PDE6D: variants seen among roughly 807,000 people sequenced by gnomAD.
PDE6D encodes the protein retinal rod rhodopsin-sensitive cGMP 3',5'-cyclic phosphodiesterase subunit delta.
Under a neutral mutation model 21.9 loss-of-function variants are expected in PDE6D, and 10 were observed. The ratio of observed to expected loss-of-function variants is 0.46; its 90% CI spans 0.28 to 0.78. The LOEUF is 0.78. Among genes scored for constraint, PDE6D ranks in the 30% least tolerant of loss-of-function variants. PDE6D has a pLI of 0.12. For missense variants in PDE6D, 139 were observed against 184.8 expected, an observed-to-expected ratio of 0.75 and a Z score of 1.44; for synonymous variants, 59 against 63.5, an observed-to-expected ratio of 0.93 and a Z score of 0.34.
At chr2:231,780,818 C>T in intron 1 of PDE6D, among the ~76,000 whole-genome samples, 1 of 152,170 alleles carries the variant, frequency 6.6e-6, no homozygotes, top group East Asian at 1.9e-4. Context: ...GTCCCCCAGG[C>T]TCCCCCGTCT....
rs1559307985 is a variant in PDE6D at position 231,737,240 on chromosome 2, C to T, written c.318G>A (p.Gln106=). 6.2e-7 allele frequency: 1 copy of T among 1,613,334 alleles called. No homozygotes were observed. Among genetic ancestry groups the T allele is most frequent in the Middle Eastern group, 1.7e-4 (1 of 6,060 alleles). The change falls in exon 4 of 5, where the codon CAG becomes CAA. Residue 106 remains glutamine, a synonymous_variant. Coordinates refer to ENST00000287600, the MANE Select transcript of PDE6D (RefSeq NM_002601.4). ...FVIPNSTNTW[Q]SLIEAAPESQ... ...ACTCGGGTGCTGCCTCTATCAAGGA[C>T]TGCCAGGTATTTGTGGAGTTAGGGA...
chr2:231,741,908 T>C (rs138334207), intron 1 of PDE6D, among the ~76,000 whole-genome samples: 209 of 152,296 alleles, frequency 1.4e-3, no homozygotes, highest in Non-Finnish European at 2.7e-3. Context: ...AGGCACGAAA[T>C]GTTGAGAAAC....
At chr2:231,758,915 T>C (rs1387065122) in intron 1 of PDE6D, among the ~76,000 whole-genome samples, 2 of 151,810 alleles carry the variant, frequency 1.3e-5, no homozygotes, top group African/African-American at 4.8e-5. Context: ...AAAACTCTCA[T>C]AAAGAGTGAA....
chr2:231,755,461 C>T (rs987166344), intron 1 of PDE6D, among the ~76,000 whole-genome samples: 1 of 152,162 alleles, frequency 6.6e-6, no homozygotes, highest in East Asian at 1.9e-4. Context: ...TGATTCACGC[C>T]GAGCCTGTAA....
At chr2:231,733,141 C>A in intron 4 of PDE6D, 108 bp from the exon 5 acceptor site, 2 of 739,830 alleles carry the variant, frequency 2.7e-6, no homozygotes, top group Non-Finnish European at 4.9e-6. Context: ...AATGGACATG[C>A]ACCCACCCAG....
At chr2:231,748,719 C>T (rs1306201127) in intron 1 of PDE6D, among the ~76,000 whole-genome samples, 1 of 152,166 alleles carries the variant, frequency 6.6e-6, no homozygotes, top group African/African-American at 2.4e-5. Flanking sequence ...ACGGGCTGGG[C>T]CCAGGTTCCC....
intron 1 of PDE6D, among the ~76,000 whole-genome samples, chr2:231,752,361 GATA>G (rs1213305563): frequency 6.6e-6 from 1 of 152,196 alleles, no homozygotes; most frequent in Non-Finnish European, 1.5e-5. Flanking sequence ...GTAAACAACA[GATA>G]ATATGAAGGC....
intron 1 of PDE6D, among the ~76,000 whole-genome samples, chr2:231,754,523 ATTTTTT>A (rs34036079): frequency 7.8e-6 from 1 of 129,000 alleles, no homozygotes; most frequent in African/African-American, 2.9e-5. Flanking sequence ...TGCCTGGCTA[ATTTTTT>A]TTTTTTTTTT....
At chr2:231,753,573 A>G (rs2048860346) in intron 1 of PDE6D, among the ~76,000 whole-genome samples, 1 of 151,368 alleles carries the variant, frequency 6.6e-6, no homozygotes, top group Non-Finnish European at 1.5e-5. Context: ...ATAAATAAAT[A>G]AAAATAAATA....
rs1057402337 is a variant in PDE6D, at chr2:231,766,438, T to A, written c.50+14627A>T. 5.9e-5 allele frequency among the ~76,000 whole-genome samples: 9 copies of A among 152,292 alleles called. No individual in the cohort carries two copies. The South Asian group carries it at 8.3e-4, about 14-fold the overall frequency. On this transcript the variant is annotated intron_variant, in intron 1 of 4. Transcript: ENST00000287600. ...TCAGAAACAAGCTAGAAGAGACATA[T>A]CCAAAGAGATTCTTAGAGGCTCCCT...
chr2:231,742,396 T>G (rs974919208), intron 1 of PDE6D, among the ~76,000 whole-genome samples: 1 of 152,208 alleles, frequency 6.6e-6, no homozygotes, highest in Non-Finnish European at 1.5e-5. Context: ...GTGCTGCGAT[T>G]ACAGGTGTGA....
intron 1 of PDE6D, among the ~76,000 whole-genome samples, chr2:231,760,450 G>A (rs2048916955): frequency 6.6e-6 from 1 of 152,160 alleles, no homozygotes; most frequent in Non-Finnish European, 1.5e-5. Context: ...TGAGGAATCT[G>A]TACAGGTTTG....
chr2:231,775,537 G>C (rs1440819453), intron 1 of PDE6D, among the ~76,000 whole-genome samples: 1 of 143,466 alleles, frequency 7.0e-6, no homozygotes, highest in Non-Finnish European at 1.5e-5. Context: ...TGCCTAGGCT[G>C]GTCTCAAACT....
At position 231,775,487 on chromosome 2, in the gene PDE6D, G is replaced by GTT. The variant is rs57179824; in HGVS notation, c.50+5576_50+5577dup. ...CCACACCTGGCTAATTTTTGTGTGT[G>GTT]TTTTTTTTTTTTTTTTGTAGAGGCG... On this transcript the variant is annotated intron_variant, in intron 1 of 4. Transcript: ENST00000287600. Among the ~76,000 whole-genome samples, 300 of 136,476 alleles carry GTT rather than the reference G, an allele frequency of 2.2e-3. 4 individuals carry two copies. Among genetic ancestry groups the GTT allele is most frequent in the Non-Finnish European group, 4.1e-3 (256 of 62,912 alleles). 89.5% of individuals were successfully genotyped at this position (136,476 alleles called of 152,430 possible). A position where few individuals can be genotyped will look rare whatever the true frequency, so the allele number is the denominator to read the frequency against.
intron 1 of PDE6D, among the ~76,000 whole-genome samples, chr2:231,778,296 A>G (rs764971907): frequency 6.6e-6 from 1 of 152,232 alleles, no homozygotes; most frequent in Non-Finnish European, 1.5e-5. Flanking sequence ...ATTTGAAATG[A>G]CAATTTAAAA....
chr2:231,747,674 G>A (rs1463112576), intron 1 of PDE6D, among the ~76,000 whole-genome samples: 4 of 152,046 alleles, frequency 2.6e-5, no homozygotes, highest in East Asian at 1.9e-4. Flanking sequence ...TAAAAAAATC[G>A]AGTTCTTTCC....
At chr2:231,743,428 CAAAAAAAA>C (rs34916848) in intron 1 of PDE6D, among the ~76,000 whole-genome samples, 1 of 59,038 alleles carries the variant, frequency 1.7e-5, no homozygotes, top group African/African-American at 5.3e-5. Flanking sequence ...GATTCCGTCT[CAAAAAAAA>C]AAAAAAAAAA....
intron 1 of PDE6D, among the ~76,000 whole-genome samples, chr2:231,770,071 T>C (rs2049002701): frequency 6.6e-6 from 1 of 152,238 alleles, no homozygotes; most frequent in Admixed American, 6.5e-5. Flanking sequence ...TTCACCTTTT[T>C]TTCCCTATTA....
intron 1 of PDE6D, among the ~76,000 whole-genome samples, chr2:231,741,593 T>C (rs929483677): frequency 3.9e-5 from 6 of 152,136 alleles, no homozygotes; most frequent in Admixed American, 2.0e-4. Context: ...GAGATTTTCT[T>C]TTAAAAAGAT....
Sources: allele counts gnomAD v4.1 joint callset (sites outside exome capture counted in the v4.1 genomes callset), GRCh38; gene constraint gnomAD v4.1.1; transcripts MANE v1.5; gene names NCBI Gene and HGNC (gene_info 2026-07-23, HGNC 2026-07-21).